Variants in SNX30 observed in about 807,000 individuals in gnomAD.
SNX30 encodes sorting nexin family member 30, also known as sorting nexin-30.
A neutral mutation model predicts 46.4 loss-of-function variants in SNX30; 24 were observed. That is an observed-to-expected ratio of 0.52 (90% CI 0.37 to 0.73). SNX30 has a LOEUF of 0.73. SNX30 is among the 30% of genes least tolerant of loss of function. The pLI, the probability that SNX30 is intolerant of heterozygous loss-of-function variation, is 0.00. For synonymous variants in SNX30, 189 were observed against 211.5 expected (o/e 0.89, Z 0.92); for missense variants, 533 against 555.7 (o/e 0.96, Z 0.41).
chr9:112,850,539 C>T (rs561484503), intron 6 of SNX30, among the ~76,000 whole-genome samples: 7 of 152,358 alleles, frequency 4.6e-5, no homozygotes, highest in South Asian at 4.1e-4. Context: ...CACAGTGACG[C>T]GGAGAGTCCT....
intron 5 of SNX30, 68 bp downstream of exon 5, chr9:112,836,477 C>T: frequency 6.7e-7 from 1 of 1,495,848 alleles, no homozygotes; most frequent in South Asian, 1.3e-5. Context: ...TTCATGTGTG[C>T]TACAGAGAAT....
intron 2 of SNX30, among the ~76,000 whole-genome samples, chr9:112,813,158 C>T (rs932256733): frequency 1.3e-5 from 2 of 151,750 alleles, no homozygotes; most frequent in African/African-American, 2.4e-5. Flanking sequence ...CAAAAAAAAC[C>T]CCCCAAAACA....
intron 6 of SNX30, among the ~76,000 whole-genome samples, chr9:112,839,738 T>C (rs1485293056): frequency 1.3e-5 from 2 of 152,224 alleles, no homozygotes; most frequent in African/African-American, 4.8e-5. Context: ...AGGAGACCTC[T>C]GAATGATTAA....
At chr9:112,857,272 A>T (rs1469377050) in intron 7 of SNX30, among the ~76,000 whole-genome samples, 1 of 152,206 alleles carries the variant, frequency 6.6e-6, no homozygotes, top group Non-Finnish European at 1.5e-5. Flanking sequence ...ATCTATAATT[A>T]AAAAAGCATT....
In SNX30 at chr9:112,830,862, T is replaced by C; in HGVS notation, c.597T>C (p.Phe199=). The change falls in exon 4 of 9, where the codon TTT becomes TTC. Residue 199 remains phenylalanine, a synonymous_variant. Coordinates refer to ENST00000374232, the MANE Select transcript of SNX30 (RefSeq NM_001012994.2). ...DHPVLSFNEH[F]NIFLTAKDLN... ...CTGTGCTGTCTTTCAATGAACACTTTAATATTTTCCTTACTGCTAAGGTAA... is the reference window on the plus strand; with the variant it reads ...CTGTGCTGTCTTTCAATGAACACTTCAATATTTTCCTTACTGCTAAGGTAA... The C allele has an allele frequency of 1.9e-6, 3 of 1,611,946 alleles. No individual in the cohort carries two copies. Among genetic ancestry groups the C allele is most frequent in the Non-Finnish European group, 2.5e-6 (3 of 1,179,444 alleles).
At position 112,767,353 on chromosome 9, in the gene SNX30, T is replaced by C. The variant is rs752965237; in HGVS notation, c.156+16196T>C. Among the ~76,000 whole-genome samples the C allele has an allele frequency of 2.6e-5, 4 of 152,204 alleles. No individual in the cohort carries two copies. The South Asian group carries it at 6.2e-4, about 24-fold the overall frequency. ...CTTAGTATTAGCCCCTTCTCAGATA[T>C]ATGTTTTGCAAGCATTTTCTCCCAT... is the stretch of plus-strand genomic sequence containing the variant. On this transcript the variant is annotated intron_variant, in intron 1 of 8. Coordinates refer to ENST00000374232, the MANE Select transcript of SNX30 (RefSeq NM_001012994.2).
intron 1 of SNX30, among the ~76,000 whole-genome samples, chr9:112,790,944 T>G (rs1055073544): frequency 1.3e-5 from 2 of 152,196 alleles, no homozygotes; most frequent in Admixed American, 1.3e-4. Context: ...TCCAGAATGG[T>G]TTTGAATTAT....
downstream of SNX30, among the ~76,000 whole-genome samples, chr9:112,883,763 T>A (rs1841612268): frequency 6.6e-6 from 1 of 150,630 alleles, no homozygotes; most frequent in African/African-American, 2.4e-5. Context: ...AGTGGCACGA[T>A]CTCAGCTCAC....
At chr9:112,750,477 G>C (rs1031157403), upstream of SNX30, 3 of 152,308 alleles carry the variant, frequency 2.0e-5, no homozygotes, top group Non-Finnish European at 4.4e-5. Flanking sequence ...GGGTGGAACG[G>C]AACAGGCTCC....
chr9:112,779,649 C>G (rs182346684), intron 1 of SNX30, among the ~76,000 whole-genome samples: 2 of 152,102 alleles, frequency 1.3e-5, no homozygotes, highest in Admixed American at 6.6e-5. Context: ...GAGCCAAGAT[C>G]GCGCCACTGC....
At chr9:112,762,045 A>G (rs1365819347) in intron 1 of SNX30, among the ~76,000 whole-genome samples, 1 of 152,210 alleles carries the variant, frequency 6.6e-6, no homozygotes, top group Non-Finnish European at 1.5e-5. Context: ...GAGCCTCTCA[A>G]AGTAAAATAA....
At chr9:112,852,768 G>A (rs1388350652) in intron 7 of SNX30, among the ~76,000 whole-genome samples, 1 of 152,178 alleles carries the variant, frequency 6.6e-6, no homozygotes, top group Non-Finnish European at 1.5e-5. Context: ...TCAAAGAGAG[G>A]GGTAAGAGTG....
At chr9:112,761,734 C>G (rs143077201) in intron 1 of SNX30, among the ~76,000 whole-genome samples, 1 of 152,208 alleles carries the variant, frequency 6.6e-6, no homozygotes, top group Admixed American at 6.5e-5. Context: ...GTAAAGATGA[C>G]GTGGACACGG....
rs373461961 is a variant in SNX30 at position 112,797,417 on chromosome 9, C to T, written c.157-7359C>T. The stretch of plus-strand genomic sequence containing the variant: ...AGGTACCAGCTTCAATGGTGATCAG[C>T]TTGGGCATCTTGTATCATTTATATC... On this transcript the variant is annotated intron_variant, in intron 1 of 8. Coordinates refer to ENST00000374232, the MANE Select transcript of SNX30 (RefSeq NM_001012994.2). Among the ~76,000 whole-genome samples the T allele has an allele frequency of 3.9e-5, 6 of 152,044 alleles. No homozygotes were observed. The East Asian group carries it at 1.2e-3, about 29-fold the overall frequency.
chr9:112,797,279 C>T (rs564018954), intron 1 of SNX30, among the ~76,000 whole-genome samples: 2 of 152,298 alleles, frequency 1.3e-5, no homozygotes, highest in South Asian at 2.1e-4. Context: ...CTTTCCCTTC[C>T]TTTCCTGGCA....
intron 2 of SNX30, among the ~76,000 whole-genome samples, chr9:112,811,342 C>T (rs1840316303): frequency 6.6e-6 from 1 of 152,138 alleles, no homozygotes; most frequent in Admixed American, 6.6e-5. Context: ...GTGATAAAGA[C>T]CACGTCTCTC....
chr9:112,752,645 G>A (rs1359710251), intron 1 of SNX30, among the ~76,000 whole-genome samples: 1 of 152,146 alleles, frequency 6.6e-6, no homozygotes, highest in Non-Finnish European at 1.5e-5. Flanking sequence ...CTTTCTTATC[G>A]ACAAAAATTG....
rs1230366579 is a variant in SNX30 at position 112,836,379 on chromosome 9, A to G, written c.784A>G (p.Ile262Val). The G allele has an allele frequency of 1.2e-6, 2 of 1,604,340 alleles. No individual in the cohort carries two copies. The highest frequency in any genetic ancestry group is 1.7e-5 in the Admixed American group (1 of 59,888). ...FALKLGTIDR[I>V]AQRIIKEEIE... ...ACTCAAACTGGGAACCATTGATCGA[A>G]TAGCCCAGCGGATCATCAAAGAAGA... Residue 262 changes from isoleucine to valine, a missense_variant, in exon 5 of 9, where the codon ATA (isoleucine) becomes GTA (valine). By Grantham distance (29) the Ile-to-Val change is conservative. Transcript: ENST00000374232.
At chr9:112,856,153 A>G (rs994788672) in intron 7 of SNX30, among the ~76,000 whole-genome samples, 2 of 152,104 alleles carry the variant, frequency 1.3e-5, no homozygotes, top group African/African-American at 4.8e-5. Flanking sequence ...ATCTTCAAAA[A>G]GTAAATAAAA....
Sources: allele counts gnomAD v4.1 joint callset (sites outside exome capture counted in the v4.1 genomes callset), GRCh38; gene constraint gnomAD v4.1.1; transcripts MANE v1.5; gene names NCBI Gene and HGNC (gene_info 2026-07-23, HGNC 2026-07-21).